IARS1: variants seen among roughly 807,000 people sequenced by gnomAD.
IARS1 encodes isoleucine--tRNA ligase, cytoplasmic.
In IARS1, 124 loss-of-function variants were observed where a neutral mutation model predicts 168.2. The observed-to-expected ratio is 0.74, with a 90% CI of 0.64 to 0.86. The LOEUF (loss-of-function observed/expected upper bound fraction) is 0.86, where lower values mean the gene tolerates loss of function less well. IARS1 is among the 40% of genes least tolerant of loss of function. The probability of loss-of-function intolerance (pLI) is 0.00; values close to 1 mark genes in which losing one functional copy is unlikely to be tolerated. For synonymous variants in IARS1, 532 were observed against 529.4 expected, an observed-to-expected ratio of 1.00 and a Z score of -0.07; for missense variants, 1,452 against 1,515.8, an observed-to-expected ratio of 0.96 and a Z score of 0.70.
intron 31 of IARS1, among the ~76,000 whole-genome samples, chr9:92,227,679 G>A (rs1367640231): frequency 4.6e-5 from 7 of 151,556 alleles, no homozygotes; most frequent in African/African-American, 1.2e-4. Flanking sequence ...GGGCAGAGAC[G>A]CTCCTCACAT....
At chr9:92,263,257 T>G (rs1831793220) in intron 16 of IARS1, among the ~76,000 whole-genome samples, 1 of 152,210 alleles carries the variant, frequency 6.6e-6, no homozygotes, top group African/African-American at 2.4e-5. Context: ...AATAAACGTC[T>G]GGAATGATTT....
At chr9:92,275,645 T>C (rs1190505437) in intron 9 of IARS1, among the ~76,000 whole-genome samples, 1 of 152,218 alleles carries the variant, frequency 6.6e-6, no homozygotes, top group Non-Finnish European at 1.5e-5. Context: ...ACAAAGTCAC[T>C]GCATCTTGTC....
At position 92,223,359 on chromosome 9, in the gene IARS1, A is replaced by G. The variant is rs779253484; in HGVS notation, c.3540T>C (p.Asn1180=). Residue 1180 remains asparagine, a synonymous_variant, in exon 32 of 34, where the codon AAT becomes AAC. Coordinates refer to ENST00000443024, the MANE Select transcript of IARS1 (RefSeq NM_002161.6). ...LCQYINLQLL[N]AKPQECLMGT... The stretch of plus-strand genomic sequence containing the variant: ...GGAGGCACATACCTTGTGGCTTTGC[A>G]TTCAGGAGCTGTAGGTTGATATACT... 1.2e-6 allele frequency: 2 copies of G among 1,612,238 alleles called. No individual in the cohort carries two copies. Among genetic ancestry groups the G allele is most frequent in the South Asian group, 1.1e-5 (1 of 90,742 alleles).
intron 30 of IARS1, among the ~76,000 whole-genome samples, chr9:92,230,379 C>T (rs1045913894): frequency 1.3e-5 from 2 of 152,162 alleles, no homozygotes; most frequent in Non-Finnish European, 2.9e-5. Flanking sequence ...TCCCAAAGTG[C>T]TGGGATTACA....
In IARS1 at chr9:92,270,996, A is replaced by AG. The variant is rs1564181348; in HGVS notation, c.1193dup (p.Cys400LeufsTer32). Reference sequence around the variant, plus strand: ...TTGTTTCTTCTGACCTCCAGCAAAAAGGGTAGCTGTGAGTGAAGGTGGTGG... The same window carrying AG: ...TTGTTTCTTCTGACCTCCAGCAAAAAGGGGTAGCTGTGAGTGAAGGTGGTGG... On this transcript the variant is annotated frameshift_variant, in exon 12 of 34. Coordinates refer to ENST00000443024, the MANE Select transcript of IARS1 (RefSeq NM_002161.6). LOFTEE classifies it high-confidence loss of function. 1.2e-6 allele frequency: 2 copies of AG among 1,609,230 alleles called. No homozygotes were observed. The highest frequency in any genetic ancestry group is 1.7e-6 in the Non-Finnish European group (2 of 1,177,340).
intron 7 of IARS1, among the ~76,000 whole-genome samples, chr9:92,280,442 T>C (rs1170217881): frequency 6.6e-6 from 1 of 152,240 alleles, no homozygotes; most frequent in Admixed American, 6.5e-5. Context: ...AACGACGTGA[T>C]GCCACATCGC....
intron 10 of IARS1, 54 bp downstream of exon 10, chr9:92,274,372 T>A: frequency 7.2e-7 from 1 of 1,384,638 alleles, no homozygotes; most frequent in Non-Finnish European, 1.0e-6. Flanking sequence ...TCCGCATCTA[T>A]GAAAAGTGGC....
chr9:92,214,062 C>T (rs1838210269), intron 33 of IARS1, among the ~76,000 whole-genome samples: 1 of 151,922 alleles, frequency 6.6e-6, no homozygotes, highest in Non-Finnish European at 1.5e-5. Flanking sequence ...GCTGGGATTA[C>T]ACGAGTGAGC....
At chr9:92,214,416 G>T (rs1171565282) in intron 33 of IARS1, among the ~76,000 whole-genome samples, 1 of 152,068 alleles carries the variant, frequency 6.6e-6, no homozygotes, top group Non-Finnish European at 1.5e-5. Flanking sequence ...ATTGGGGGAG[G>T]AGCCAAGATG....
intron 20 of IARS1, chr9:92,253,970 G>A (rs1362280439): frequency 1.4e-5 from 6 of 439,170 alleles, no homozygotes; most frequent in Admixed American, 9.7e-5. Context: ...GAAACATTTT[G>A]CTTGTCACAA....
At chr9:92,250,659 G>A in intron 23 of IARS1, 54 bp downstream of exon 23, 3 of 1,495,098 alleles carry the variant, frequency 2.0e-6, no homozygotes, top group Non-Finnish European at 2.7e-6. Context: ...CCACATGCTT[G>A]AGCAACTCTC....
rs756306362 is a variant in IARS1 at position 92,264,939 on chromosome 9, T to A, written c.1690A>T (p.Thr564Ser). The A allele has an allele frequency of 6.2e-7, 1 of 1,613,274 alleles. No individual in the cohort carries two copies. Among genetic ancestry groups the A allele is most frequent in the Non-Finnish European group, 8.5e-7 (1 of 1,179,582 alleles). ...ADFIAEGIDQ[T>S]RGWFYTLLVL... ...AACAAGGAGGCATACCATCCTCTGGTTTGGTCGATGCCCTCGGCAATGAAA... is the reference window on the plus strand; with the variant it reads ...AACAAGGAGGCATACCATCCTCTGGATTGGTCGATGCCCTCGGCAATGAAA... The change falls in exon 16 of 34, where the codon ACC becomes TCC. Residue 564 changes from threonine (T) to serine (S), a missense_variant. Physicochemically the swap from Thr to Ser is moderately conservative, Grantham distance 58. Coordinates refer to ENST00000443024, the MANE Select transcript of IARS1 (RefSeq NM_002161.6).
Position 92,268,230 on chromosome 9 carries a change from T to C in IARS1, c.1375A>G (p.Arg459Gly), listed in dbSNP as rs1485085228. The C allele has an allele frequency of 3.1e-6, 5 of 1,612,140 alleles. No individual in the cohort carries two copies. In the South Asian group the frequency reaches 5.5e-5, roughly 18 times the overall value. ...LKDARDWTIS[R>G]NRYWGTPIPL... ...ATGGGGGTGCCCCAGTATCTGTTTC[T>C]GGAAATTGTCCAGTCACGTGCATCT... Residue 459 changes from arginine to glycine, a missense_variant, in exon 14 of 34, where the codon AGA (arginine) becomes GGA (glycine). Coordinates refer to ENST00000443024, the MANE Select transcript of IARS1 (RefSeq NM_002161.6).
chr9:92,271,403 T>C, intron 11 of IARS1, 130 bp downstream of exon 11: 1 of 1,164,310 alleles, frequency 8.6e-7, no homozygotes, highest in Non-Finnish European at 1.3e-6. Context: ...AACATCTGTC[T>C]TTACGGATTT....
At chr9:92,246,572 A>G (rs911398971) in intron 26 of IARS1, among the ~76,000 whole-genome samples, 2 of 152,196 alleles carry the variant, frequency 1.3e-5, no homozygotes, top group Non-Finnish European at 2.9e-5. Flanking sequence ...ACACTTATCA[A>G]AACCATAATT....
intron 14 of IARS1, 101 bp downstream of exon 14, chr9:92,268,073 G>C (rs924093390): frequency 9.2e-6 from 11 of 1,197,208 alleles, no homozygotes; most frequent in Middle Eastern, 2.0e-4. Flanking sequence ...AATAAGAAAG[G>C]GGCAAAGAAA....
chr9:92,280,968 A>G, intron 6 of IARS1, 75 bp from the exon 7 acceptor site: 1 of 941,050 alleles, frequency 1.1e-6, no homozygotes, highest in Non-Finnish European at 1.6e-6. Context: ...AACTACTCCT[A>G]AAGAGGAATA....
chr9:92,261,239 G>A (rs894052464), intron 17 of IARS1, among the ~76,000 whole-genome samples: 2 of 152,008 alleles, frequency 1.3e-5, no homozygotes, highest in Non-Finnish European at 2.9e-5. Context: ...AGCCCAGGAG[G>A]TGGAGGCTGC....
intron 10 of IARS1, among the ~76,000 whole-genome samples, chr9:92,272,495 T>C (rs968171623): frequency 6.6e-6 from 1 of 152,230 alleles, no homozygotes; most frequent in Non-Finnish European, 1.5e-5. Flanking sequence ...GCACAGACTC[T>C]GCGAAGATCA....
Sources: allele counts gnomAD v4.1 joint callset (sites outside exome capture counted in the v4.1 genomes callset), GRCh38; gene constraint gnomAD v4.1.1; transcripts MANE v1.5; gene names NCBI Gene and HGNC (gene_info 2026-07-23, HGNC 2026-07-21).